Variants in SLX4IP observed in about 807,000 individuals in gnomAD.
SLX4IP encodes protein SLX4IP.
SLX4IP carries 34 observed loss-of-function variants against 32.9 expected under a neutral mutation model. The observed-to-expected ratio is 1.03, with a 90% CI of 0.79 to 1.38. The LOEUF (loss-of-function observed/expected upper bound fraction) is 1.38. Ranked by LOEUF, SLX4IP falls within the 40% of genes most tolerant of loss-of-function variation. The probability of loss-of-function intolerance (pLI) is 0.00; values close to 1 mark genes in which losing one functional copy is unlikely to be tolerated. For synonymous variants in SLX4IP, 172 were observed against 171.7 expected (o/e 1.00, Z -0.01); for missense variants, 444 against 479.0 (o/e 0.93, Z 0.68).
intron 4 of SLX4IP, 56 bp from the exon 5 acceptor site, chr20:10,598,619 C>T: frequency 2.0e-6 from 3 of 1,517,418 alleles, no homozygotes; most frequent in Non-Finnish European, 2.7e-6. Flanking sequence ...GGGCTGAACT[C>T]CAGAGATTTA....
At position 10,624,989 on chromosome 20, in the gene SLX4IP, T is replaced by A. The variant is rs1276946973; in HGVS notation, c.*1610T>A. 6.6e-6 allele frequency: 1 copy of A among 152,438 alleles called. No individual in the cohort carries two copies. The highest frequency in any genetic ancestry group is 2.4e-5 in the African/African-American group (1 of 41,466). The allele number at this position is 152,438 out of a possible 1,614,324, so 9.4% of individuals were successfully genotyped here. ...CCCCACTTGAAACAGCCCTTCCTAC[T>A]GGTATCCTGTCCTCTTCCCTCTTGG... On this transcript the variant is annotated 3_prime_UTR_variant, in exon 8 of 8. Coordinates refer to ENST00000334534, the MANE Select transcript of SLX4IP (RefSeq NM_001009608.3).
intron 2 of SLX4IP, among the ~76,000 whole-genome samples, chr20:10,544,269 C>T (rs1230005754): frequency 6.6e-6 from 1 of 152,066 alleles, no homozygotes; most frequent in African/African-American, 2.4e-5. Context: ...CTCTTTTTCC[C>T]TTTGGATTTT....
At chr20:10,566,914 A>G (rs2066401180) in intron 4 of SLX4IP, among the ~76,000 whole-genome samples, 2 of 152,190 alleles carry the variant, frequency 1.3e-5, no homozygotes, top group South Asian at 2.1e-4. Context: ...AGAAAGCTCC[A>G]TTTTAGTGAA....
rs114941530 is a variant in SLX4IP at position 10,552,522 on chromosome 20, T to G, written c.28-3709T>G. Among the ~76,000 whole-genome samples, 877 of 151,856 alleles carry G rather than the reference T, an allele frequency of 5.8e-3. 7 individuals are homozygous for G. Among genetic ancestry groups the G allele is most frequent in the African/African-American group, 0.02 (832 of 41,414 alleles). ...TAGTGTGGGAGGGAGTTGAGAGAGC[T>G]CAGAACTGCAGGCTGCAGAGGGAGA... On this transcript the variant is annotated intron_variant, in intron 2 of 7. Coordinates refer to ENST00000334534, the MANE Select transcript of SLX4IP (RefSeq NM_001009608.3).
At position 10,623,434 on chromosome 20, in the gene SLX4IP, AAGAGAG is replaced by A; in HGVS notation, c.*56_*61del. On this transcript the variant is annotated 3_prime_UTR_variant, in exon 8 of 8. Transcript: ENST00000334534. ...AGGACATAGTGGCCAAACCTGTGAC[AAGAGAG>A]CTGCGAATATAGATGCCGGGATTTT... 6.5e-7 allele frequency: 1 copy of A among 1,539,036 alleles called. No individual in the cohort carries two copies.
intron 2 of SLX4IP, among the ~76,000 whole-genome samples, chr20:10,547,537 T>C (rs1267020286): frequency 1.3e-5 from 2 of 152,244 alleles, no homozygotes; most frequent in Non-Finnish European, 2.9e-5. Context: ...GGAAGTTTCC[T>C]TTAATTGGTC....
intron 4 of SLX4IP, among the ~76,000 whole-genome samples, chr20:10,596,214 G>A (rs2066769589): frequency 6.6e-6 from 1 of 151,938 alleles, no homozygotes; most frequent in African/African-American, 2.4e-5. Flanking sequence ...TTCAGATTTT[G>A]CCCCTTCCTG....
At chr20:10,537,470 C>G (rs1488041847) in intron 2 of SLX4IP, among the ~76,000 whole-genome samples, 7 of 152,158 alleles carry the variant, frequency 4.6e-5, no homozygotes, top group African/African-American at 4.8e-5. Flanking sequence ...TACTATAACT[C>G]TTTTTAAAAT....
chr20:10,473,357 A>T lies in SLX4IP; in HGVS notation c.27+15126A>T, dbSNP rs553584049. ...TCAGTGTATTCCCTGGACCAGCAGC[A>T]TTAGTATCTCCCACAGTCATTGCAG... is the stretch of plus-strand genomic sequence containing the variant. On this transcript the variant is annotated intron_variant, in intron 2 of 7. Coordinates refer to ENST00000334534, the MANE Select transcript of SLX4IP (RefSeq NM_001009608.3). Among the ~76,000 whole-genome samples the T allele has an allele frequency of 3.3e-5, 5 of 152,344 alleles. No homozygotes were observed. The East Asian group carries it at 7.7e-4, about 24-fold the overall frequency.
intron 2 of SLX4IP, among the ~76,000 whole-genome samples, chr20:10,498,010 C>T (rs905390730): frequency 4.0e-5 from 6 of 151,724 alleles, no homozygotes; most frequent in African/African-American, 1.5e-4. Flanking sequence ...TTCCATGACT[C>T]ACTTTTTTTC....
chr20:10,593,595 G>A (rs532889372), intron 4 of SLX4IP, among the ~76,000 whole-genome samples: 4 of 152,096 alleles, frequency 2.6e-5, no homozygotes, highest in Non-Finnish European at 4.4e-5. Flanking sequence ...ACTTAGATGA[G>A]TGTGGTAGCA....
intron 4 of SLX4IP, among the ~76,000 whole-genome samples, chr20:10,594,602 A>G (rs923206771): frequency 1.3e-5 from 2 of 152,194 alleles, no homozygotes; most frequent in Non-Finnish European, 2.9e-5. Context: ...ATTTGCTCTC[A>G]GTGTCTTGGG....
At chr20:10,596,233 G>GT (rs906454409) in intron 4 of SLX4IP, among the ~76,000 whole-genome samples, 50 of 150,794 alleles carry the variant, frequency 3.3e-4, no homozygotes, top group African/African-American at 9.0e-4. Context: ...TGATAATAAC[G>GT]TTTTTTTTTA....
At chr20:10,608,483 G>C (rs1381989545) in intron 6 of SLX4IP, among the ~76,000 whole-genome samples, 1 of 151,752 alleles carries the variant, frequency 6.6e-6, no homozygotes. Context: ...GGCTAACACA[G>C]TGAAACACCA....
At chr20:10,521,194 C>T (rs571388453) in intron 2 of SLX4IP, among the ~76,000 whole-genome samples, 2 of 152,276 alleles carry the variant, frequency 1.3e-5, no homozygotes, top group Non-Finnish European at 2.9e-5. Flanking sequence ...TCTTACTCTC[C>T]CGCAGCTCTT....
rs553419340 is a variant in SLX4IP at position 10,475,279 on chromosome 20, T to A, written c.27+17048T>A. On this transcript the variant is annotated intron_variant, in intron 2 of 7. Transcript: ENST00000334534. The stretch of plus-strand genomic sequence containing the variant: ...AGCTCCTTCAGTGATGAGATGAGAA[T>A]CCCTGGGGAGTGGAAAGTGAGGATC... Among the ~76,000 whole-genome samples the A allele has an allele frequency of 1.2e-4, 19 of 152,300 alleles. 1 individual carries two copies. The South Asian group carries it at 3.5e-3, about 28-fold the overall frequency.
At chr20:10,531,566 C>T (rs535052532) in intron 2 of SLX4IP, among the ~76,000 whole-genome samples, 55 of 152,268 alleles carry the variant, frequency 3.6e-4, no homozygotes, top group Admixed American at 7.8e-4. Context: ...TTGAATAAGA[C>T]CGACAAAGTC....
intron 4 of SLX4IP, among the ~76,000 whole-genome samples, chr20:10,569,431 C>T (rs2066435756): frequency 1.3e-5 from 2 of 152,222 alleles, no homozygotes; most frequent in Non-Finnish European, 2.9e-5. Context: ...TCCCAAAGTG[C>T]CGGGATTACA....
chr20:10,498,176 T>A (rs1201296083), intron 2 of SLX4IP, among the ~76,000 whole-genome samples: 1 of 151,060 alleles, frequency 6.6e-6, no homozygotes, highest in Admixed American at 6.6e-5. Flanking sequence ...TTTCAGATCA[T>A]CTGTCTTGCA....
Sources: gnomAD v4.1 joint callset for allele counts (sites outside exome capture counted in the v4.1 genomes callset) on GRCh38, gnomAD v4.1.1 for gene constraint, MANE v1.5 for transcripts, NCBI Gene and HGNC (gene_info 2026-07-23, HGNC 2026-07-21) for gene names.